Variants in RNF111 observed in about 807,000 individuals in gnomAD.
The protein encoded by RNF111 is ring finger protein 111.
A neutral mutation model predicts 95.1 loss-of-function variants in RNF111; 17 were observed. The observed-to-expected ratio is 0.18, with a 90% CI of 0.12 to 0.27. RNF111 has a LOEUF of 0.27. RNF111 is among the 10% of genes least tolerant of loss of function. The probability of loss-of-function intolerance (pLI) is 1.00; values close to 1 mark genes in which losing one functional copy is unlikely to be tolerated. For missense variants in RNF111, 1,189 were observed against 1,210.4 expected (o/e 0.98, Z 0.26); for synonymous variants, 440 against 414.8 (o/e 1.06, Z -0.74).
chr15:59,038,527 T>A (rs1329179800), intron 2 of RNF111, among the ~76,000 whole-genome samples: 1 of 152,218 alleles, frequency 6.6e-6, no homozygotes, highest in Non-Finnish European at 1.5e-5. Context: ...TGGGAACTTT[T>A]AGACTTACAC....
At chr15:59,080,043 T>C (rs1426711853) in intron 7 of RNF111, among the ~76,000 whole-genome samples, 1 of 151,992 alleles carries the variant, frequency 6.6e-6, no homozygotes, top group Admixed American at 6.6e-5. Flanking sequence ...AATAAAAGAT[T>C]TTTCTCAGAT....
intron 3 of RNF111, among the ~76,000 whole-genome samples, chr15:59,052,751 C>T (rs1259572396): frequency 6.6e-6 from 1 of 151,690 alleles, no homozygotes; most frequent in African/African-American, 2.4e-5. Context: ...TTAAACTCAC[C>T]TGGAGAGATA....
chr15:59,081,178 A>C lies in RNF111; in HGVS notation c.2191A>C (p.Ile731Leu), dbSNP rs1454581847. The change falls in exon 8 of 14, where the codon ATT (isoleucine) becomes CTT (leucine). Residue 731 changes from isoleucine (I) to leucine (L), a missense_variant. Physicochemically the swap from Ile to Leu is conservative, Grantham distance 5 (BLOSUM62 2). Coordinates refer to ENST00000348370, the MANE Select transcript of RNF111 (RefSeq NM_017610.8). ...GCATCTTCCTCCTACACACCAGCCA[A>C]TTTCGCACCATATTCCAGCCACAGC... The part of the protein sequence containing the change: ...PQHLPPTHQP[I>L]SHHIPATAPP... 1.9e-6 allele frequency: 3 copies of C among 1,613,928 alleles called. No homozygotes were observed. Among genetic ancestry groups the C allele is most frequent in the African/African-American group, 2.7e-5 (2 of 74,862 alleles).
intron 1 of RNF111, among the ~76,000 whole-genome samples, chr15:58,997,051 CTTAG>C (rs1176639361): frequency 3.3e-5 from 5 of 151,884 alleles, no homozygotes; most frequent in African/African-American, 1.2e-4. Context: ...TTAATTTTTA[CTTAG>C]TTTTCATGTC....
At chr15:59,073,022 A>C (rs975174716) in intron 6 of RNF111, among the ~76,000 whole-genome samples, 16 of 152,102 alleles carry the variant, frequency 1.1e-4, no homozygotes, top group Admixed American at 1.3e-4. Flanking sequence ...AAATCTAAAA[A>C]TTAGCTGGGT....
intron 1 of RNF111, among the ~76,000 whole-genome samples, chr15:58,994,471 CTCTTT>C (rs1309525781): frequency 1.5e-5 from 2 of 130,620 alleles, no homozygotes; most frequent in African/African-American, 5.5e-5. Flanking sequence ...TATTTTCTCT[CTCTTT>C]TTTTTTTTTT....
At chr15:59,090,522 A>G (rs1472693504) in intron 11 of RNF111, among the ~76,000 whole-genome samples, 1 of 151,896 alleles carries the variant, frequency 6.6e-6, no homozygotes, top group Non-Finnish European at 1.5e-5. Context: ...AAGCCACCGC[A>G]CCCGGCCCCC....
rs553057575 is a variant in RNF111 at position 58,987,687 on chromosome 15, G to A, written c.-401G>A. ...TAGTGTCGTGCTCTCCTCGGTAGGG[G>A]AGGAATTGGTTAGGCGGCGGCGGCG... is the stretch of plus-strand genomic sequence containing the variant. On this transcript the variant is annotated 5_prime_UTR_variant, in exon 1 of 14. Coordinates refer to ENST00000348370, the MANE Select transcript of RNF111 (RefSeq NM_017610.8). 1.7e-4 allele frequency: 29 copies of A among 175,168 alleles called. 1 individual carries two copies. In the South Asian group the frequency reaches 2.4e-3, roughly 14 times the overall value. 10.9% of individuals were successfully genotyped at this position (175,168 alleles called of 1,614,324 possible).
At chr15:59,073,812 A>G (rs1412387588) in intron 6 of RNF111, among the ~76,000 whole-genome samples, 1 of 152,204 alleles carries the variant, frequency 6.6e-6, no homozygotes, top group Non-Finnish European at 1.5e-5. Context: ...CAGATTGATC[A>G]GAGGAATTAT....
chr15:59,027,544 T>G (rs572969689), intron 1 of RNF111, among the ~76,000 whole-genome samples: 238 of 151,982 alleles, frequency 1.6e-3, no homozygotes, highest in African/African-American at 4.5e-3. Context: ...TTTTTTTTTT[T>G]GGGAGACAGA....
At chr15:59,075,926 A>G (rs1323448298) in intron 6 of RNF111, 28 bp from the exon 7 acceptor site, 12 of 1,604,766 alleles carry the variant, frequency 7.5e-6, no homozygotes, top group Non-Finnish European at 1.0e-5. Flanking sequence ...AACTTTAGAA[A>G]GATAAAATAT....
At chr15:59,006,925 G>A (rs962535282) in intron 1 of RNF111, among the ~76,000 whole-genome samples, 1 of 152,050 alleles carries the variant, frequency 6.6e-6, no homozygotes, top group Non-Finnish European at 1.5e-5. Flanking sequence ...AGCTGGGATT[G>A]CAGGCGCCCG....
At chr15:59,066,631 T>A in intron 5 of RNF111, 133 bp from the exon 6 acceptor site, 1 of 756,026 alleles carries the variant, frequency 1.3e-6, no homozygotes, top group South Asian at 1.9e-5. Context: ...AACGTGGCAC[T>A]ATCACATTAT....
At chr15:59,068,286 T>C (rs57803886) in intron 6 of RNF111, among the ~76,000 whole-genome samples, 4,113 of 152,146 alleles carry the variant, frequency 0.027, 112 homozygotes, top group African/African-American at 0.062. Flanking sequence ...TTTTGACATA[T>C]ACTATTCCAG....
At chr15:58,994,506 C>G (rs2038962979) in intron 1 of RNF111, among the ~76,000 whole-genome samples, 2 of 107,204 alleles carry the variant, frequency 1.9e-5, no homozygotes, top group East Asian at 2.9e-4. Flanking sequence ...GAGGTGGAGT[C>G]TCGCTGTGTT....
In RNF111 at chr15:59,077,395, T is replaced by A. The variant is rs1374620538; in HGVS notation, c.1948+1180T>A. Among the ~76,000 whole-genome samples, 33 of 152,194 alleles carry A rather than the reference T, an allele frequency of 2.2e-4. 1 individual carries two copies. Among genetic ancestry groups the A allele is most frequent in the Non-Finnish European group, 1.5e-5 (1 of 68,030 alleles). On this transcript the variant is annotated intron_variant, in intron 7 of 13. Transcript: ENST00000348370. Reference sequence around the variant, plus strand: ...ACTGTGCAGTCATATAAAATGAGAATTTAAAAGCTTCCTCGCACAGCTTAC... The same window carrying A: ...ACTGTGCAGTCATATAAAATGAGAAATTAAAAGCTTCCTCGCACAGCTTAC...
intron 9 of RNF111, among the ~76,000 whole-genome samples, chr15:59,084,658 C>T (rs1215292565): frequency 1.3e-5 from 2 of 151,934 alleles, no homozygotes; most frequent in Non-Finnish European, 2.9e-5. Flanking sequence ...TTGAAATAAA[C>T]GGTACGTTAT....
At chr15:59,027,643 G>A (rs2040685660) in intron 1 of RNF111, among the ~76,000 whole-genome samples, 1 of 151,100 alleles carries the variant, frequency 6.6e-6, no homozygotes, top group African/African-American at 2.4e-5. Context: ...ATTCTGCTGC[G>A]TCAGCCTCCT....
intron 7 of RNF111, 123 bp downstream of exon 7, chr15:59,076,338 G>A: frequency 8.8e-7 from 1 of 1,140,000 alleles, no homozygotes; most frequent in African/African-American, 1.5e-5. Flanking sequence ...CTTAAGAGTA[G>A]GGTATATTTT....
Sources: allele counts gnomAD v4.1 joint callset (sites outside exome capture counted in the v4.1 genomes callset), GRCh38; gene constraint gnomAD v4.1.1; transcripts MANE v1.5; gene names NCBI Gene and HGNC (gene_info 2026-07-23, HGNC 2026-07-21).